The following PTK2 variants were observed in gnomAD, a reference collection of about 807,000 sequenced individuals.
PTK2 encodes the protein protein tyrosine kinase 2, also known as focal adhesion kinase 1.
PTK2 carries 45 observed loss-of-function variants against 150.1 expected under a neutral mutation model. The observed-to-expected ratio is 0.30, with a 90% CI of 0.24 to 0.38. The LOEUF (loss-of-function observed/expected upper bound fraction) is 0.38, where lower values mean the gene tolerates loss of function less well. Ranked by LOEUF, PTK2 falls within the 10% of genes least tolerant of loss-of-function variation. The pLI, the probability that PTK2 is intolerant of heterozygous loss-of-function variation, is 1.00. For missense variants in PTK2, 919 were observed against 1,307.3 expected (o/e 0.70, Z 4.58); for synonymous variants, 432 against 449.2 (o/e 0.96, Z 0.48).
At chr8:140,717,822 A>G in intron 22 of PTK2, 113 bp from the exon 26 acceptor site, 1 of 785,036 alleles carries the variant, frequency 1.3e-6, no homozygotes, top group Admixed American at 1.8e-5. Context: ...GATGATAACA[A>G]TAAAGGATCC....
intron 1 of PTK2, among the ~76,000 whole-genome samples, chr8:140,937,185 AT>A (rs1410323727): frequency 2.6e-5 from 4 of 152,298 alleles, no homozygotes. Context: ...TTTTAAGAAC[AT>A]CCATTTTTTA....
At chr8:140,891,824 G>A (rs2100154346) in intron 2 of PTK2, among the ~76,000 whole-genome samples, 1 of 152,230 alleles carries the variant, frequency 6.6e-6, no homozygotes, top group Admixed American at 6.5e-5. Context: ...CCAGAATAGT[G>A]TTAGGACATC....
At chr8:140,856,829 T>C (rs555989851) in intron 5 of PTK2, among the ~76,000 whole-genome samples, 3 of 152,350 alleles carry the variant, frequency 2.0e-5, no homozygotes, top group Admixed American at 6.5e-5. Context: ...ACGATACTTA[T>C]GTTGAAGTGT....
intron 23 of PTK2, 90 bp downstream of exon 26, chr8:140,717,508 G>C: frequency 1.0e-6 from 1 of 974,170 alleles, no homozygotes; most frequent in Non-Finnish European, 1.7e-6. Context: ...CCTGATATTT[G>C]ACTTTCTCCT....
intron 23 of PTK2, among the ~76,000 whole-genome samples, chr8:140,712,364 G>A (rs2100037312): frequency 6.6e-6 from 1 of 152,104 alleles, no homozygotes; most frequent in African/African-American, 2.4e-5. Context: ...TGCAATATAT[G>A]AGGGGAAAAA....
At chr8:140,893,711 G>A (rs779509440) in intron 2 of PTK2, among the ~76,000 whole-genome samples, 1 of 152,180 alleles carries the variant, frequency 6.6e-6, no homozygotes, top group Non-Finnish European at 1.5e-5. Flanking sequence ...AGATCATGGT[G>A]ATGGTTGAAT....
intron 27 of PTK2, among the ~76,000 whole-genome samples, chr8:140,685,172 G>C (rs1227569720): frequency 6.6e-6 from 1 of 152,276 alleles, no homozygotes; most frequent in East Asian, 1.9e-4. Context: ...AAATGGTGCT[G>C]AGACAACCAG....
At chr8:140,702,246 C>G (rs886886384) in intron 25 of PTK2, among the ~76,000 whole-genome samples, 2 of 131,078 alleles carry the variant, frequency 1.5e-5, no homozygotes, top group Non-Finnish European at 3.2e-5. Context: ...TTGAGACAAG[C>G]TCTTGCTCTG....
chr8:140,674,700 T>A (rs2100012544), intron 28 of PTK2, among the ~76,000 whole-genome samples: 1 of 146,452 alleles, frequency 6.8e-6, no homozygotes, highest in Non-Finnish European at 1.5e-5. Context: ...GATCGTGCCA[T>A]TGCACTCTAG....
At chr8:140,742,675 C>A (rs1345930154) in intron 20 of PTK2, among the ~76,000 whole-genome samples, 4 of 152,166 alleles carry the variant, frequency 2.6e-5, no homozygotes, top group Admixed American at 2.6e-4. Context: ...ATGTCTCTTC[C>A]TATTTTTTTG....
intron 4 of PTK2, among the ~76,000 whole-genome samples, chr8:140,875,003 T>C (rs1432669645): frequency 6.6e-6 from 1 of 152,154 alleles, no homozygotes; most frequent in Non-Finnish European, 1.5e-5. Context: ...AACACATATA[T>C]AATATCAGTC....
intron 27 of PTK2, among the ~76,000 whole-genome samples, chr8:140,679,012 T>C (rs1423545144): frequency 3.6e-5 from 1 of 27,938 alleles, no homozygotes; most frequent in African/African-American, 1.1e-4. Context: ...TGTTTTTTTT[T>C]TTTTTTTTTT....
At chr8:140,883,991 G>C (rs991350158) in intron 3 of PTK2, among the ~76,000 whole-genome samples, 5 of 151,958 alleles carry the variant, frequency 3.3e-5, no homozygotes, top group African/African-American at 9.7e-5. Flanking sequence ...CTTGGCTCAT[G>C]GTCGTCTTCT....
At chr8:140,847,783 T>TA (rs1207010302) in intron 5 of PTK2, among the ~76,000 whole-genome samples, 1 of 152,148 alleles carries the variant, frequency 6.6e-6, no homozygotes. Flanking sequence ...ACTTCTACCC[T>TA]AAAAAAATTT....
chr8:140,819,047 T>G lies in PTK2; in HGVS notation c.649-27A>C. On this transcript the variant is annotated intron_variant, in intron 8 of 31. Coordinates refer to ENST00000522684, the Ensembl canonical transcript of PTK2. ...TGCATGACAAAATTACCAAAACATC[T>G]TGTAAAAATCAGCAATGAGTAAAGA... The G allele has an allele frequency of 1.9e-6, 3 of 1,607,028 alleles. No homozygotes were observed. In the South Asian group the frequency reaches 3.3e-5, roughly 18 times the overall value.
chr8:140,898,068 T>C (rs2100157014), intron 2 of PTK2, among the ~76,000 whole-genome samples: 2 of 152,140 alleles, frequency 1.3e-5, no homozygotes, highest in South Asian at 4.1e-4. Context: ...AAATCATCTG[T>C]GATGAAGAAC....
intron 4 of PTK2, among the ~76,000 whole-genome samples, chr8:140,870,268 T>C (rs1419250327): frequency 6.6e-6 from 1 of 152,208 alleles, no homozygotes; most frequent in Non-Finnish European, 1.5e-5. Context: ...ACAATACACT[T>C]AATCACCCCT....
chr8:140,871,261 A>C (rs1407112532), intron 4 of PTK2, among the ~76,000 whole-genome samples: 2 of 152,234 alleles, frequency 1.3e-5, no homozygotes, highest in Non-Finnish European at 1.5e-5. Flanking sequence ...TCTGATGTTA[A>C]AATATGAAAA....
At chr8:140,711,773 A>G (rs1448981383) in intron 23 of PTK2, among the ~76,000 whole-genome samples, 2 of 152,176 alleles carry the variant, frequency 1.3e-5, no homozygotes, top group Non-Finnish European at 2.9e-5. Context: ...GTGTCTCCCA[A>G]TGTCATCAGA....
Sources: allele counts gnomAD v4.1 joint callset (sites outside exome capture counted in the v4.1 genomes callset), GRCh38; gene constraint gnomAD v4.1.1; transcripts MANE v1.5; gene names NCBI Gene and HGNC (gene_info 2026-07-23, HGNC 2026-07-21).